TAFA5: variants seen among roughly 807,000 people sequenced by gnomAD.
TAFA5 encodes chemokine-like protein TAFA-5.
In TAFA5, 6 loss-of-function variants were observed where a neutral mutation model predicts 15.3. That is an observed-to-expected ratio of 0.39 (90% CI 0.21 to 0.77). TAFA5 has a LOEUF of 0.77. TAFA5 is among the 30% of genes least tolerant of loss of function. TAFA5 has a pLI of 0.41. For missense variants in TAFA5, 161 were observed against 193.1 expected, an observed-to-expected ratio of 0.83 and a Z score of 0.98; for synonymous variants, 103 against 80.7, an observed-to-expected ratio of 1.28 and a Z score of -1.48.
intron 1 of TAFA5, among the ~76,000 whole-genome samples, chr22:48,554,103 C>A (rs569778304): frequency 3.9e-5 from 6 of 152,222 alleles, no homozygotes; most frequent in Non-Finnish European, 8.8e-5. Flanking sequence ...CGCCTGGGCT[C>A]AGGGAAGAGA....
intron 1 of TAFA5, among the ~76,000 whole-genome samples, chr22:48,584,554 A>G (rs557333069): frequency 5.4e-5 from 8 of 147,030 alleles, no homozygotes; most frequent in Non-Finnish European, 1.1e-4. Context: ...CATCACACAC[A>G]CTACATGCCA....
intron 1 of TAFA5, among the ~76,000 whole-genome samples, chr22:48,644,893 C>A (rs907913169): frequency 1.3e-5 from 2 of 152,234 alleles, no homozygotes; most frequent in Non-Finnish European, 2.9e-5. Context: ...ATCCTGTTGT[C>A]CTGAGCCCCC....
At chr22:48,724,493 G>A (rs753759931) in intron 3 of TAFA5, among the ~76,000 whole-genome samples, 1 of 152,230 alleles carries the variant, frequency 6.6e-6, no homozygotes, top group Admixed American at 6.5e-5. Flanking sequence ...AGCCTCCGTG[G>A]CTTTCTGGAT....
Position 48,614,204 on chromosome 22 carries a change from A to T in TAFA5, c.113-32393A>T, listed in dbSNP as rs140162796. On this transcript the variant is annotated intron_variant, in intron 1 of 3. Transcript: ENST00000402357. ...GGCCTGCGCAGAGCTGGGGGCCCGA[A>T]CCATTCCTCACCCCAACTCTTCATT... is the stretch of plus-strand genomic sequence containing the variant. Among the ~76,000 whole-genome samples, 17 of 152,276 alleles carry T rather than the reference A, an allele frequency of 1.1e-4. No individual in the cohort carries two copies. The East Asian group carries it at 2.5e-3, about 23-fold the overall frequency.
chr22:48,603,579 C>T (rs1049995257), intron 1 of TAFA5, among the ~76,000 whole-genome samples: 4 of 152,184 alleles, frequency 2.6e-5, no homozygotes, highest in African/African-American at 9.7e-5. Context: ...CGGACCTGGC[C>T]TGCCTCTCCC....
intron 1 of TAFA5, among the ~76,000 whole-genome samples, chr22:48,580,527 T>C (rs1923996115): frequency 6.6e-6 from 1 of 152,174 alleles, no homozygotes; most frequent in South Asian, 2.1e-4. Flanking sequence ...TGGTCCATGA[T>C]GGGTTGGGTG....
rs149258645 is a variant in TAFA5, at chr22:48,604,156, C to T, written c.113-42441C>T. On this transcript the variant is annotated intron_variant, in intron 1 of 3. Transcript: ENST00000402357. ...ATTGCAGCTCAGAAAGGGGCATTGA[C>T]GTGCCCAGCCACACAGCTCAGGCAG... Among the ~76,000 whole-genome samples, 12 of 152,320 alleles carry T rather than the reference C, an allele frequency of 7.9e-5. No homozygotes were observed. The East Asian group carries it at 1.2e-3, about 15-fold the overall frequency.
intron 1 of TAFA5, among the ~76,000 whole-genome samples, chr22:48,503,047 G>A (rs1569160822): frequency 6.6e-6 from 1 of 152,174 alleles, no homozygotes; most frequent in Non-Finnish European, 1.5e-5. Context: ...ACCTTCCCAT[G>A]CTCTTCCATG....
intron 2 of TAFA5, among the ~76,000 whole-genome samples, chr22:48,647,879 G>T (rs1190914706): frequency 6.6e-6 from 1 of 152,148 alleles, no homozygotes; most frequent in African/African-American, 2.4e-5. Flanking sequence ...TCCCCTATGT[G>T]GGGTCCCTGA....
rs2147089142 is a variant in TAFA5, at chr22:48,489,754, C to T, written c.112+50C>T. On this transcript the variant is annotated intron_variant, in intron 1 of 3. Coordinates refer to ENST00000402357, the MANE Select transcript of TAFA5 (RefSeq NM_001082967.3). This position sits in a 1 kb window ranked among gnomAD's most constrained non-coding sequence, Gnocchi z 5.5. ...CGGCACGGCCCTCTGGGCCCCGGAC[C>T]CCCTCCTCCGGCCCCGGCAGGCGCC... 1 of 1,195,250 alleles carries T rather than the reference C, an allele frequency of 8.4e-7. No homozygotes were observed. Among genetic ancestry groups the T allele is most frequent in the East Asian group, 3.5e-5 (1 of 28,904 alleles). The allele number at this position is 1,195,250 out of a possible 1,614,324, so 74.0% of individuals were successfully genotyped here. A position where few individuals can be genotyped will look rare whatever the true frequency, so the allele number is the denominator to read the frequency against.
At chr22:48,684,640 C>A (rs1928297561) in intron 2 of TAFA5, among the ~76,000 whole-genome samples, 1 of 152,230 alleles carries the variant, frequency 6.6e-6, no homozygotes. Context: ...CCCCACACTC[C>A]TGCCCGCTTC....
chr22:48,657,346 T>C (rs1927286145), intron 2 of TAFA5, among the ~76,000 whole-genome samples: 1 of 152,166 alleles, frequency 6.6e-6, no homozygotes, highest in Admixed American at 6.5e-5. Context: ...ACAAACAGTT[T>C]GAATAGACCT....
intron 1 of TAFA5, among the ~76,000 whole-genome samples, chr22:48,584,277 ACACACAC>A (rs1383947907): frequency 1.2e-5 from 1 of 83,570 alleles, no homozygotes; most frequent in Non-Finnish European, 2.8e-5. Context: ...CACCACACAC[ACACACAC>A]CACACACAGC....
chr22:48,717,157 C>G (rs1258121707), intron 3 of TAFA5, among the ~76,000 whole-genome samples: 2 of 152,220 alleles, frequency 1.3e-5, no homozygotes, highest in African/African-American at 4.8e-5. Context: ...ATCCCCAAAA[C>G]TCAGAGGGAA....
chr22:48,567,801 G>T (rs1923458185), intron 1 of TAFA5, among the ~76,000 whole-genome samples: 1 of 152,218 alleles, frequency 6.6e-6, no homozygotes. Flanking sequence ...ACCGCTGTCT[G>T]CAGGGTGGCC....
intron 3 of TAFA5, among the ~76,000 whole-genome samples, chr22:48,738,861 G>C (rs1930103564): frequency 6.6e-6 from 1 of 152,180 alleles, no homozygotes; most frequent in South Asian, 2.1e-4. Context: ...TGACCTTGCT[G>C]CTGCTCAGAA....
intron 1 of TAFA5, among the ~76,000 whole-genome samples, chr22:48,593,246 T>C (rs1924639075): frequency 6.6e-6 from 1 of 152,110 alleles, no homozygotes; most frequent in Admixed American, 6.5e-5. Context: ...AAGCGGAGCA[T>C]TGGAGCTGGG....
At chr22:48,525,866 A>G (rs945080503) in intron 1 of TAFA5, among the ~76,000 whole-genome samples, 1 of 151,718 alleles carries the variant, frequency 6.6e-6, no homozygotes, top group Admixed American at 6.6e-5. Flanking sequence ...AGGCGTGGAG[A>G]TGTGTGTGGC....
intron 2 of TAFA5, among the ~76,000 whole-genome samples, chr22:48,657,254 G>T (rs1927283283): frequency 6.6e-6 from 1 of 152,220 alleles, no homozygotes; most frequent in Non-Finnish European, 1.5e-5. Flanking sequence ...ATGAACAATT[G>T]TATGCCAATA....
Sources: gnomAD v4.1 joint callset for allele counts (sites outside exome capture counted in the v4.1 genomes callset) on GRCh38, gnomAD v4.1.1 for gene constraint, Gnocchi (gnomAD v3.1) non-coding constraint, MANE v1.5 for transcripts, NCBI Gene and HGNC (gene_info 2026-07-23, HGNC 2026-07-21) for gene names.